The following STX12 variants were observed in gnomAD, a reference collection of about 807,000 sequenced individuals.
The protein encoded by STX12 is syntaxin 12.
STX12 carries 17 observed loss-of-function variants against 42.2 expected under a neutral mutation model. The ratio of observed to expected loss-of-function variants is 0.40; its 90% CI spans 0.28 to 0.60. STX12 has a LOEUF of 0.60. Ranked by LOEUF, STX12 falls within the 20% of genes least tolerant of loss-of-function variation. The pLI is 0.39. For synonymous variants in STX12, 108 were observed against 116.7 expected, an observed-to-expected ratio of 0.93 and a Z score of 0.48; for missense variants, 297 against 330.9, an observed-to-expected ratio of 0.90 and a Z score of 0.79.
intron 3 of STX12, among the ~76,000 whole-genome samples, chr1:27,799,876 C>T (rs543563249): frequency 4.6e-5 from 7 of 152,370 alleles, no homozygotes; most frequent in African/African-American, 1.7e-4. Context: ...CTCAGCCTCT[C>T]AAGTAGCTGG....
At chr1:27,804,825 G>A (rs1027929537) in intron 4 of STX12, among the ~76,000 whole-genome samples, 2 of 151,776 alleles carry the variant, frequency 1.3e-5, no homozygotes, top group Middle Eastern at 3.4e-3. Flanking sequence ...AAAAAAAAAG[G>A]AAGAAAGAAC....
chr1:27,812,443 G>GTTTT (rs67267768), intron 6 of STX12, among the ~76,000 whole-genome samples, 175 bp downstream of exon 6: 18 of 144,620 alleles, frequency 1.2e-4, no homozygotes, highest in African/African-American at 4.6e-4. Context: ...GGTTTTTTTT[G>GTTTT]TTTTTTTTTT....
At chr1:27,795,370 A>G (rs2088779284) in intron 3 of STX12, among the ~76,000 whole-genome samples, 2 of 151,706 alleles carry the variant, frequency 1.3e-5, no homozygotes, top group Non-Finnish European at 2.9e-5. Flanking sequence ...CAGTGGGATA[A>G]TCTTGGCTTA....
At chr1:27,802,428 T>C (rs2088833730) in intron 4 of STX12, among the ~76,000 whole-genome samples, 1 of 152,148 alleles carries the variant, frequency 6.6e-6, no homozygotes, top group Non-Finnish European at 1.5e-5. Flanking sequence ...CCTTAGAACA[T>C]TAAGTCAAAA....
intron 1 of STX12, among the ~76,000 whole-genome samples, chr1:27,787,542 C>T (rs2088707911): frequency 6.6e-6 from 1 of 152,022 alleles, no homozygotes. Context: ...GCCTGTAATC[C>T]CAGCTACTCG....
intron 1 of STX12, 34 bp from the exon 2 acceptor site, chr1:27,789,528 T>G: frequency 6.4e-7 from 1 of 1,570,768 alleles, no homozygotes; most frequent in Non-Finnish European, 8.7e-7. Flanking sequence ...TGTATTTTTC[T>G]TTTAAATAAA....
chr1:27,801,964 T>A, intron 4 of STX12, 149 bp downstream of exon 4: 1 of 768,240 alleles, frequency 1.3e-6, no homozygotes, highest in Non-Finnish European at 1.9e-6. Flanking sequence ...AAAAAACATA[T>A]ATGCATGTGA....
At chr1:27,778,737 T>C (rs1021933545) in intron 1 of STX12, among the ~76,000 whole-genome samples, 1 of 151,912 alleles carries the variant, frequency 6.6e-6, no homozygotes, top group Non-Finnish European at 1.5e-5. Flanking sequence ...CTGTTCTTTA[T>C]GTTGCTAATT....
chr1:27,791,973 A>G (rs2088744210), intron 2 of STX12, among the ~76,000 whole-genome samples: 1 of 147,722 alleles, frequency 6.8e-6, no homozygotes, highest in Non-Finnish European at 1.5e-5. Flanking sequence ...ACAGAGCAAG[A>G]CTCCATCTCA....
At chr1:27,782,684 A>C (rs2088676279) in intron 1 of STX12, among the ~76,000 whole-genome samples, 1 of 152,056 alleles carries the variant, frequency 6.6e-6, no homozygotes, top group Non-Finnish European at 1.5e-5. Context: ...AAAAATATAC[A>C]AATTAGCCCG....
At chr1:27,788,782 C>T (rs186759358) in intron 1 of STX12, among the ~76,000 whole-genome samples, 133 of 152,194 alleles carry the variant, frequency 8.7e-4, no homozygotes, top group Admixed American at 1.4e-3. Flanking sequence ...GAGGCCGAGG[C>T]GAGTGGATCA....
chr1:27,778,581 C>T (rs1052556843), intron 1 of STX12, among the ~76,000 whole-genome samples: 1 of 151,908 alleles, frequency 6.6e-6, no homozygotes, highest in African/African-American at 2.4e-5. Context: ...GTCCTAGCTG[C>T]TCGGGAGGCT....
chr1:27,793,737 A>G (rs1409928384), intron 3 of STX12, 105 bp downstream of exon 3: 2 of 784,886 alleles, frequency 2.5e-6, no homozygotes, highest in Non-Finnish European at 4.1e-6. Flanking sequence ...TGCTAGATAG[A>G]TAGACCTCCT....
intron 4 of STX12, among the ~76,000 whole-genome samples, chr1:27,803,862 G>A (rs555992752): frequency 5.9e-5 from 9 of 151,824 alleles, no homozygotes; most frequent in Non-Finnish European, 1.3e-4. Context: ...TTAGCTGGGC[G>A]TGGTAGCGCG....
chr1:27,819,515 T>G lies in STX12; in HGVS notation c.650-135T>G, dbSNP rs142472670. Reference sequence around the variant, plus strand: ...AGAAAAGGCTAGTCTCTTACCAAGGTAGTAACTCGATTTCATGGCTGGATA... The same window carrying G: ...AGAAAAGGCTAGTCTCTTACCAAGGGAGTAACTCGATTTCATGGCTGGATA... On this transcript the variant is annotated intron_variant, in intron 7 of 8. Transcript: ENST00000373943. The G allele has an allele frequency of 7.4e-5, 48 of 645,864 alleles. 1 individual carries two copies. In the East Asian group the frequency reaches 1.4e-3, roughly 19 times the overall value. The allele number at this position is 645,864 out of a possible 1,614,324, so 40.0% of individuals were successfully genotyped here. A position where few individuals can be genotyped will look rare whatever the true frequency, so the allele number is the denominator to read the frequency against.
chr1:27,788,727 T>A (rs1202904994), intron 1 of STX12, among the ~76,000 whole-genome samples: 1 of 152,110 alleles, frequency 6.6e-6, no homozygotes, highest in Non-Finnish European at 1.5e-5. Flanking sequence ...GTATATCTAC[T>A]AAGGCCAGGC....
intron 4 of STX12, among the ~76,000 whole-genome samples, chr1:27,803,740 A>T (rs1032152690): frequency 6.6e-6 from 1 of 152,242 alleles, no homozygotes; most frequent in Non-Finnish European, 1.5e-5. Flanking sequence ...GTGGTGGCTC[A>T]CACCTGTAAT....
At chr1:27,800,038 C>T (rs548646967) in intron 3 of STX12, among the ~76,000 whole-genome samples, 19 of 152,326 alleles carry the variant, frequency 1.2e-4, no homozygotes, top group African/African-American at 4.3e-4. Context: ...TACAGGCATG[C>T]GCTACTGCGC....
At chr1:27,777,420 G>T (rs1394221288) in intron 1 of STX12, among the ~76,000 whole-genome samples, 2 of 152,196 alleles carry the variant, frequency 1.3e-5, no homozygotes, top group Admixed American at 1.3e-4. Flanking sequence ...AATAGGAAAA[G>T]AGGCCAGAGA....
Sources: gnomAD v4.1 joint callset for allele counts (sites outside exome capture counted in the v4.1 genomes callset) on GRCh38, gnomAD v4.1.1 for gene constraint, MANE v1.5 for transcripts, NCBI Gene and HGNC (gene_info 2026-07-23, HGNC 2026-07-21) for gene names.